SLC22A23: variants seen among roughly 807,000 people sequenced by gnomAD.
SLC22A23 encodes solute carrier family 22 member 23.
SLC22A23 carries 26 observed loss-of-function variants against 61.0 expected under a neutral mutation model. That is an observed-to-expected ratio of 0.43 (90% confidence interval 0.31 to 0.59). The LOEUF (loss-of-function observed/expected upper bound fraction) is 0.59. SLC22A23 is among the 20% of genes least tolerant of loss of function. The pLI is 0.11. For synonymous variants in SLC22A23, 430 were observed against 413.9 expected (o/e 1.04, Z -0.47); for missense variants, 796 against 934.7 (o/e 0.85, Z 1.94).
intron 1 of SLC22A23, chr6:3,439,264 A>G (rs769087718): frequency 2.3e-6 from 1 of 431,348 alleles, no homozygotes; most frequent in East Asian, 7.0e-5. Context: ...GTCTCCAGAC[A>G]TTGCCGAATG....
Position 3,297,149 on chromosome 6 carries a change from T to C in SLC22A23, c.1210+942A>G, listed in dbSNP as rs1299586947. ...AGTTACGTGAGAGCAAGGCTTTGCC[T>C]GTGTCTTCTCTGCTCTAGAATAGCG... On this transcript the variant is annotated intron_variant, in intron 5 of 9. Transcript: ENST00000406686. This position sits in a 1 kb window ranked among gnomAD's most constrained non-coding sequence, Gnocchi z 4.3. 6.6e-6 allele frequency among the ~76,000 whole-genome samples: 1 copy of C among 152,262 alleles called. No homozygotes were observed. Among genetic ancestry groups the C allele is most frequent in the Non-Finnish European group, 1.5e-5 (1 of 68,046 alleles).
At chr6:3,292,657 CG>C (rs1561873290) in intron 5 of SLC22A23, among the ~76,000 whole-genome samples, 1 of 152,230 alleles carries the variant, frequency 6.6e-6, no homozygotes. Context: ...CCCGTGTGGT[CG>C]GGGCTGAGGT....
At position 3,360,059 on chromosome 6, in the gene SLC22A23, G is replaced by T. The variant is rs143846007; in HGVS notation, c.914-36057C>A. Reference sequence around the variant, plus strand: ...TCCACTTAAATAGGTTCTTAGGTAGGCAAATTCATAGAAACAGAAAGTAGA... The same window carrying T: ...TCCACTTAAATAGGTTCTTAGGTAGTCAAATTCATAGAAACAGAAAGTAGA... On this transcript the variant is annotated intron_variant, in intron 3 of 9. Transcript: ENST00000406686. The surrounding 1 kb of genome is among the most constrained non-coding windows in gnomAD (Gnocchi z 4.6). 1.2e-4 allele frequency among the ~76,000 whole-genome samples: 18 copies of T among 152,202 alleles called. 2 individuals are homozygous for T. In the East Asian group the frequency reaches 3.5e-3, roughly 29 times the overall value.
chr6:3,404,631 G>A (rs1768666171), intron 3 of SLC22A23, among the ~76,000 whole-genome samples: 1 of 152,160 alleles, frequency 6.6e-6, no homozygotes, highest in Middle Eastern at 3.2e-3. Flanking sequence ...CCCATGACCA[G>A]TGGCCCTGCC....
chr6:3,347,953 T>C (rs1764537243), intron 3 of SLC22A23, among the ~76,000 whole-genome samples: 1 of 152,186 alleles, frequency 6.6e-6, no homozygotes, highest in Non-Finnish European at 1.5e-5. Flanking sequence ...CGCCCTCCTG[T>C]CTCTGCGTGG....
chr6:3,448,427 C>T (rs1389343300), intron 1 of SLC22A23, among the ~76,000 whole-genome samples: 3 of 152,170 alleles, frequency 2.0e-5, no homozygotes, highest in Non-Finnish European at 2.9e-5. Context: ...AAGCTGGCTC[C>T]CACACACCAC....
chr6:3,279,036 A>G (rs1281569860), intron 9 of SLC22A23, among the ~76,000 whole-genome samples: 1 of 152,222 alleles, frequency 6.6e-6, no homozygotes, highest in African/African-American at 2.4e-5. Context: ...ACCACATCAT[A>G]CTGATCTATC....
At chr6:3,424,058 C>T (rs1213796224) in intron 1 of SLC22A23, among the ~76,000 whole-genome samples, 3 of 152,080 alleles carry the variant, frequency 2.0e-5, no homozygotes, top group Non-Finnish European at 4.4e-5. Flanking sequence ...TGTTACATTC[C>T]CTTTATGGCT....
intron 4 of SLC22A23, among the ~76,000 whole-genome samples, chr6:3,316,235 A>G (rs1262479562): frequency 6.6e-6 from 1 of 152,138 alleles, no homozygotes; most frequent in Non-Finnish European, 1.5e-5. Context: ...TTTTTCATTT[A>G]TTGGTTCCCC....
rs61253110 is a variant in SLC22A23 at position 3,386,180 on chromosome 6, A to G, written c.913+24008T>C. 0.011 allele frequency among the ~76,000 whole-genome samples: 1,611 copies of G among 152,176 alleles called. 35 individuals carry two copies. The highest frequency in any genetic ancestry group is 0.037 in the African/African-American group (1,551 of 41,530). Reference sequence around the variant, plus strand: ...ACCTGACGAGGTGGATTTATTAATGATCTGGGTTGACATTAGCTGGGAGCA... The same window carrying G: ...ACCTGACGAGGTGGATTTATTAATGGTCTGGGTTGACATTAGCTGGGAGCA... On this transcript the variant is annotated intron_variant, in intron 3 of 9. Transcript: ENST00000406686. This position sits in a 1 kb window ranked among gnomAD's most constrained non-coding sequence, Gnocchi z 4.4.
At chr6:3,392,134 C>G (rs1767705936) in intron 3 of SLC22A23, among the ~76,000 whole-genome samples, 1 of 152,186 alleles carries the variant, frequency 6.6e-6, no homozygotes, top group African/African-American at 2.4e-5. Context: ...CTCCAGCCAC[C>G]CTTGCAATTG....
intron 9 of SLC22A23, among the ~76,000 whole-genome samples, chr6:3,278,204 G>A (rs1325589964): frequency 3.3e-5 from 5 of 152,180 alleles, no homozygotes; most frequent in Non-Finnish European, 7.3e-5. Flanking sequence ...CAAGATACTC[G>A]GTGAGTGACA....
At chr6:3,350,974 T>C (rs1436233883) in intron 3 of SLC22A23, among the ~76,000 whole-genome samples, 2 of 71,896 alleles carry the variant, frequency 2.8e-5, no homozygotes, top group Non-Finnish European at 6.0e-5. Context: ...AAGAGAAAGA[T>C]TTTTTTCTTA....
At position 3,410,342 on chromosome 6, in the gene SLC22A23, C is replaced by T; in HGVS notation, c.759G>A (p.Trp253Ter). Reference sequence around the variant, plus strand: ...ACAGCAGCACAGGCCGCCGGCCGACCCTGCATATGGAGAGGGAAAAAGTTA... The same window carrying T: ...ACAGCAGCACAGGCCGCCGGCCGACTCTGCATATGGAGAGGGAAAAAGTTA... ...GYLITGCIAD[W>*]VGRRPVLLFS... The change falls in exon 3 of 10, where the codon TGG (tryptophan) becomes TGA (stop). Residue 253 changes from tryptophan to a stop codon, truncating the protein, a stop_gained and splice_region_variant. Transcript: ENST00000406686. LOFTEE classifies it high-confidence loss of function. The surrounding 1 kb of genome is among the most constrained non-coding windows in gnomAD (Gnocchi z 5.0). 1 of 1,600,148 alleles carries T rather than the reference C, an allele frequency of 6.2e-7. No individual in the cohort carries two copies. The highest frequency in any genetic ancestry group is 8.5e-7 in the Non-Finnish European group (1 of 1,173,486).
chr6:3,423,371 G>C (rs976713706), intron 1 of SLC22A23, among the ~76,000 whole-genome samples: 1 of 152,210 alleles, frequency 6.6e-6, no homozygotes, highest in South Asian at 2.1e-4. Context: ...ATTATTGAAC[G>C]TTCTTATTCG....
rs993298524 is a variant in SLC22A23 at position 3,318,368 on chromosome 6, C to A, written c.1082+5466G>T. ...AACCACTTCCTGTGTCGGGCTCTCACACGTGGGCCACCATCCGCCTGCCCC... is the reference window on the plus strand; with the variant it reads ...AACCACTTCCTGTGTCGGGCTCTCAAACGTGGGCCACCATCCGCCTGCCCC... On this transcript the variant is annotated intron_variant, in intron 4 of 9. Transcript: ENST00000406686. This position sits in a 1 kb window ranked among gnomAD's most constrained non-coding sequence, Gnocchi z 4.3. Among the ~76,000 whole-genome samples the A allele has an allele frequency of 5.3e-5, 8 of 152,132 alleles. No individual in the cohort carries two copies. Among genetic ancestry groups the A allele is most frequent in the Non-Finnish European group, 8.8e-5 (6 of 68,032 alleles).
rs1772424610 is a variant in SLC22A23, at chr6:3,456,638, GCCAGGCGCCTGCA to G, written c.-92_-80del. 1.1e-6 allele frequency: 1 copy of G among 911,082 alleles called. No homozygotes were observed. Among genetic ancestry groups the G allele is most frequent in the African/African-American group, 1.8e-5 (1 of 55,464 alleles). 56.4% of individuals were successfully genotyped at this position (911,082 alleles called of 1,614,324 possible). On this transcript the variant is annotated 5_prime_UTR_variant, in exon 1 of 10. Transcript: ENST00000406686. The surrounding 1 kb of genome is among the most constrained non-coding windows in gnomAD (Gnocchi z 7.1). Reference sequence around the variant, plus strand: ...GGGCGCCCCGGGCACAGCGCGCCGGGCCAGGCGCCTGCAGCCGCTGCCGCCGAGGAGGGCCCGC... The same window carrying G: ...GGGCGCCCCGGGCACAGCGCGCCGGGGCCGCTGCCGCCGAGGAGGGCCCGC...
chr6:3,282,972 G>GTT lies in SLC22A23; in HGVS notation c.1703+879_1703+880insAA, dbSNP rs151255623. 5.2e-3 allele frequency among the ~76,000 whole-genome samples: 790 copies of GTT among 152,296 alleles called. 7 individuals are homozygous for GTT. The highest frequency in any genetic ancestry group is 9.1e-3 in the Non-Finnish European group (621 of 68,020). On this transcript the variant is annotated intron_variant, in intron 9 of 9. Transcript: ENST00000406686. ...TTAGTCACACCTTTTAGGGAGGTAT[G>GTT]AAATGGCCGCAGACTCCACGAGGGC...
At chr6:3,300,889 CCTG>C (rs1272627342) in intron 4 of SLC22A23, among the ~76,000 whole-genome samples, 2 of 152,154 alleles carry the variant, frequency 1.3e-5, no homozygotes, top group African/African-American at 4.8e-5. Context: ...TAAAAGCTGT[CCTG>C]CTGAGCAGGT....
Sources: allele counts gnomAD v4.1 joint callset (sites outside exome capture counted in the v4.1 genomes callset), GRCh38; gene constraint gnomAD v4.1.1; non-coding constraint Gnocchi (gnomAD v3.1); transcripts MANE v1.5; gene names NCBI Gene and HGNC (gene_info 2026-07-23, HGNC 2026-07-21).